The following TRMT44 variants were observed in gnomAD, a reference collection of about 807,000 sequenced individuals.
TRMT44 encodes the protein tRNA methyltransferase 44 homolog.
TRMT44 carries 78 observed loss-of-function variants against 77.3 expected under a neutral mutation model. The ratio of observed to expected loss-of-function variants is 1.01; its 90% CI spans 0.84 to 1.22. TRMT44 has a LOEUF of 1.22. Ranked by LOEUF, TRMT44 falls within the 50% of genes most tolerant of loss-of-function variation. The pLI is 0.00. For missense variants in TRMT44, 1,090 were observed against 964.4 expected, an observed-to-expected ratio of 1.13 and a Z score of -1.73; for synonymous variants, 391 against 383.3, an observed-to-expected ratio of 1.02 and a Z score of -0.23.
At chr4:8,500,115 A>C in the TRMT44 span, among the ~76,000 whole-genome samples, 3,428 of 152,184 alleles carry the variant, frequency 0.023, 71 homozygotes, top group African/African-American at 0.053. Flanking sequence ...CTGTAGTCCT[A>C]GCTACTCTGG....
At chr4:8,454,549 A>T (rs933407169) in intron 5 of TRMT44, 193 bp from the exon 6 acceptor site, 7 of 602,292 alleles carry the variant, frequency 1.2e-5, no homozygotes, top group Non-Finnish European at 2.1e-5. Flanking sequence ...GGAAGTGGCT[A>T]AGCTGGCCAT....
intron 2 of TRMT44, among the ~76,000 whole-genome samples, chr4:8,492,177 C>T (rs1343032094): frequency 1.3e-5 from 2 of 152,182 alleles, no homozygotes; most frequent in African/African-American, 2.4e-5. Context: ...CATAATCAAG[C>T]TTCCAAAACT....
intron 9 of TRMT44, among the ~76,000 whole-genome samples, chr4:8,469,244 CCT>C (rs1287241631): frequency 6.9e-6 from 1 of 145,716 alleles, no homozygotes; most frequent in Non-Finnish European, 1.5e-5. Context: ...GTCAGCAGAG[CCT>C]CTAGCCATCT....
At chr4:8,510,424 G>T in the TRMT44 span, 1 of 152,732 alleles carries the variant, frequency 6.5e-6, no homozygotes, top group African/African-American at 2.4e-5. Context: ...TGGCCCACCC[G>T]CCAATCCAGG....
intron 6 of TRMT44, among the ~76,000 whole-genome samples, chr4:8,459,372 C>T (rs1404465942): frequency 6.6e-6 from 1 of 152,200 alleles, no homozygotes; most frequent in African/African-American, 2.4e-5. Flanking sequence ...TTACCATAAT[C>T]CGCACAACAG....
chr4:8,500,515 TA>T, the TRMT44 span, among the ~76,000 whole-genome samples: 9 of 151,746 alleles, frequency 5.9e-5, no homozygotes, highest in East Asian at 1.9e-4. Flanking sequence ...AATAAATAAA[TA>T]AAATAAAATA....
chr4:8,496,149 TG>T (rs1728144871), downstream of TRMT44, among the ~76,000 whole-genome samples: 2 of 152,186 alleles, frequency 1.3e-5, no homozygotes, highest in African/African-American at 2.4e-5. Flanking sequence ...AGTGAAGCAA[TG>T]GGAAACCTCT....
At chr4:8,467,620 A>G (rs1437739225) in intron 8 of TRMT44, among the ~76,000 whole-genome samples, 1 of 152,154 alleles carries the variant, frequency 6.6e-6, no homozygotes, top group Non-Finnish European at 1.5e-5. Context: ...AGCTGGGACT[A>G]CAGGTGAGGG....
chr4:8,465,317 A>C, intron 7 of TRMT44, 61 bp from the exon 8 acceptor site: 1 of 1,513,204 alleles, frequency 6.6e-7, no homozygotes, highest in Non-Finnish European at 8.9e-7. Context: ...CTTTGTTCCG[A>C]ATTTCCTTGA....
intron 1 of TRMT44, among the ~76,000 whole-genome samples, chr4:8,445,495 C>A (rs539760233): frequency 9.2e-5 from 14 of 152,370 alleles, no homozygotes; most frequent in African/African-American, 2.9e-4. Flanking sequence ...TCCCCATGCA[C>A]CTGAGCACAC....
Position 8,454,751 on chromosome 4 carries a change from A to C in TRMT44, c.1141A>C (p.Arg381=), listed in dbSNP as rs749868971. 25 of 1,614,200 alleles carry C rather than the reference A, an allele frequency of 1.5e-5. No individual in the cohort carries two copies. Among genetic ancestry groups the C allele is most frequent in the Non-Finnish European group, 1.9e-5 (23 of 1,180,000 alleles). ...AAATTAATTTTTTCAGCATCCAGGC[A>C]GAGGGATTGATGTCCGAAGAAGAAA... The part of the protein sequence containing the change: ...HILSSEGHPG[R]GIDVRRRKIW... Residue 381 remains arginine (R), a synonymous_variant, in exon 6 of 11, where the codon AGA becomes CGA. Transcript: ENST00000389737.
intron 9 of TRMT44, 152 bp downstream of exon 9, chr4:8,468,498 C>G: frequency 4.1e-6 from 3 of 731,706 alleles, no homozygotes; most frequent in Non-Finnish European, 6.7e-6. Context: ...TCTCTTCAAG[C>G]AAATTCTTTA....
At chr4:8,489,470 T>C (rs1310569947) in intron 2 of TRMT44, among the ~76,000 whole-genome samples, 4 of 151,088 alleles carry the variant, frequency 2.6e-5, no homozygotes, top group African/African-American at 7.3e-5. Context: ...CGTTTTGTTT[T>C]GTTTTGTTTT....
At chr4:8,468,633 A>C (rs1462014336) in intron 9 of TRMT44, 1 of 559,994 alleles carries the variant, frequency 1.8e-6, no homozygotes, top group East Asian at 2.8e-5. Context: ...CTCATTTTCA[A>C]TCTAGAAATT....
At chr4:8,498,120 T>G (rs961535088), downstream of TRMT44, among the ~76,000 whole-genome samples, 2 of 152,152 alleles carry the variant, frequency 1.3e-5, no homozygotes, top group East Asian at 3.9e-4. This position sits in a 1 kb window ranked among gnomAD's most constrained non-coding sequence, Gnocchi z 4.3. Flanking sequence ...CCTCCCTTTG[T>G]GGGTTCCCCT....
At chr4:8,484,922 G>T (rs1727756765) in intron 2 of TRMT44, among the ~76,000 whole-genome samples, 1 of 152,178 alleles carries the variant, frequency 6.6e-6, no homozygotes, top group Non-Finnish European at 1.5e-5. Flanking sequence ...TGCCGAGATA[G>T]GTAACAGATG....
chr4:8,509,203 A>AGGGAGGGAAAAGGGAGTGGGGT, the TRMT44 span: 1 of 58,600 alleles, frequency 1.7e-5, no homozygotes, highest in East Asian at 4.9e-4. Flanking sequence ...GGACGGAGGG[A>AGGGAGGGAAAAGGGAGTGGGGT]GGGAGGGAAA....
chr4:8,455,819 T>C (rs1029313885), intron 6 of TRMT44, among the ~76,000 whole-genome samples: 4 of 152,218 alleles, frequency 2.6e-5, no homozygotes, highest in African/African-American at 9.6e-5. Flanking sequence ...GATTGAACTT[T>C]GTGGGCCAGT....
At chr4:8,480,993 C>T (rs1433626373), downstream of TRMT44, among the ~76,000 whole-genome samples, 3 of 152,188 alleles carry the variant, frequency 2.0e-5, no homozygotes, top group Non-Finnish European at 4.4e-5. Flanking sequence ...ATAGCTAGAT[C>T]TTTTTCTTCC....
Sources: allele counts gnomAD v4.1 joint callset (sites outside exome capture counted in the v4.1 genomes callset), GRCh38; gene constraint gnomAD v4.1.1; non-coding constraint Gnocchi (gnomAD v3.1); transcripts MANE v1.5; gene names NCBI Gene and HGNC (gene_info 2026-07-23, HGNC 2026-07-21).